Variants in CPLX1 observed in about 807,000 individuals in gnomAD.
The protein encoded by CPLX1 is complexin 1, also known as complexin-1.
Under a neutral mutation model 15.6 loss-of-function variants are expected in CPLX1, and 6 were observed. That is an observed-to-expected ratio of 0.39 (90% CI 0.21 to 0.76). The LOEUF (loss-of-function observed/expected upper bound fraction) is 0.76, where lower values mean the gene tolerates loss of function less well. Among genes scored for constraint, CPLX1 ranks in the 30% least tolerant of loss-of-function variants. The pLI, the probability that CPLX1 is intolerant of heterozygous loss-of-function variation, is 0.43. For missense variants in CPLX1, 242 were observed against 188.6 expected, an observed-to-expected ratio of 1.28 and a Z score of -1.66; for synonymous variants, 91 against 75.2, an observed-to-expected ratio of 1.21 and a Z score of -1.08.
rs911381371 is a variant in CPLX1, at chr4:786,312, G to A, written c.*189C>T. 4.2e-6 allele frequency: 2 copies of A among 480,894 alleles called. No homozygotes were observed. Among genetic ancestry groups the A allele is most frequent in the Non-Finnish European group, 3.6e-6 (1 of 280,514 alleles). The allele number at this position is 480,894 out of a possible 1,614,324, so 29.8% of individuals were successfully genotyped here. On this transcript the variant is annotated 3_prime_UTR_variant, in exon 4 of 4. Transcript: ENST00000304062. ...ACCCGCGGGCAGAGGAGCACGGGGC[G>A]GACTGGGGGGGTCCTGGGGGCGCGC... is the stretch of plus-strand genomic sequence containing the variant.
chr4:786,906 A>T, intron 3 of CPLX1: 1 of 981,294 alleles, frequency 1.0e-6, no homozygotes. Flanking sequence ...AATGGGGGCC[A>T]GGAGCTGACA....
At chr4:822,402 C>CG (rs1560248252) in intron 2 of CPLX1, among the ~76,000 whole-genome samples, 1 of 151,036 alleles carries the variant, frequency 6.6e-6, no homozygotes, top group East Asian at 2.0e-4. Context: ...TCTCTGTCTC[C>CG]GTCTCTCCCT....
At chr4:803,990 C>T (rs1560242316) in intron 2 of CPLX1, among the ~76,000 whole-genome samples, 1 of 152,228 alleles carries the variant, frequency 6.6e-6, no homozygotes, top group Non-Finnish European at 1.5e-5. Flanking sequence ...CTTTTCTATG[C>T]TTAGGTGCAC....
chr4:789,877 G>T (rs1284157519), intron 3 of CPLX1, among the ~76,000 whole-genome samples: 1 of 152,140 alleles, frequency 6.6e-6, no homozygotes, highest in Non-Finnish European at 1.5e-5. Flanking sequence ...GGAGGCAGCA[G>T]GTGTTCTGAT....
intron 2 of CPLX1, among the ~76,000 whole-genome samples, chr4:815,143 G>A (rs928629587): frequency 3.9e-5 from 6 of 152,222 alleles, no homozygotes; most frequent in African/African-American, 1.4e-4. Context: ...AGGCGTGGTG[G>A]CTCACGCCTG....
chr4:824,529 T>A lies in CPLX1; in HGVS notation c.-7A>T. On this transcript the variant is annotated 5_prime_UTR_variant, in exon 2 of 4. Transcript: ENST00000304062. ...GCTTCATCACAAACTCCATGGCGAT[T>A]GCTCTGCTTCCACAGTGGCTCCTCC... The A allele has an allele frequency of 6.2e-7, 1 of 1,612,886 alleles. No individual in the cohort carries two copies. The highest frequency in any genetic ancestry group is 1.7e-5 in the Admixed American group (1 of 60,028).
At chr4:825,448 G>A (rs895838834) in intron 1 of CPLX1, among the ~76,000 whole-genome samples, 1 of 151,844 alleles carries the variant, frequency 6.6e-6, no homozygotes, top group Non-Finnish European at 1.5e-5. Flanking sequence ...CCGCAGCGCC[G>A]ATTCTCCTCC....
chr4:788,633 C>G, intron 3 of CPLX1: 1 of 978,634 alleles, frequency 1.0e-6, no homozygotes, highest in Non-Finnish European at 1.2e-6. Context: ...GGTTCTCGTC[C>G]TAGCCATCCA....
At chr4:799,160 G>C (rs1432067495) in intron 2 of CPLX1, among the ~76,000 whole-genome samples, 1 of 152,210 alleles carries the variant, frequency 6.6e-6, no homozygotes, top group Non-Finnish European at 1.5e-5. Context: ...CTGACTTCCT[G>C]TTGGTGAGTC....
chr4:816,965 A>C (rs1746768489), intron 2 of CPLX1, among the ~76,000 whole-genome samples: 1 of 152,232 alleles, frequency 6.6e-6, no homozygotes, highest in Admixed American at 6.5e-5. Flanking sequence ...GTTTTCAAAG[A>C]GCACGCACAT....
chr4:795,012 T>C (rs1391580692), intron 2 of CPLX1, among the ~76,000 whole-genome samples: 1 of 152,192 alleles, frequency 6.6e-6, no homozygotes, highest in Non-Finnish European at 1.5e-5. Context: ...CGCCAAAGGC[T>C]TCTGGAAGGC....
At chr4:808,468 AACAC>A (rs1045963682) in intron 2 of CPLX1, among the ~76,000 whole-genome samples, 1 of 152,180 alleles carries the variant, frequency 6.6e-6, no homozygotes, top group African/African-American at 2.4e-5. Context: ...CACAGCAAAA[AACAC>A]CTCACTCCAA....
intron 2 of CPLX1, among the ~76,000 whole-genome samples, chr4:794,920 C>T (rs930834086): frequency 6.6e-6 from 1 of 152,210 alleles, no homozygotes; most frequent in African/African-American, 2.4e-5. Flanking sequence ...AGGTGTGCTG[C>T]GCTCTGCTCC....
chr4:791,754 T>C (rs1389254081), intron 3 of CPLX1, among the ~76,000 whole-genome samples: 2 of 152,130 alleles, frequency 1.3e-5, no homozygotes, highest in Non-Finnish European at 2.9e-5. Flanking sequence ...GGGTGAGCAC[T>C]GCGCCCCAGG....
intron 2 of CPLX1, among the ~76,000 whole-genome samples, chr4:813,968 G>A (rs1261013912): frequency 1.3e-5 from 2 of 152,214 alleles, no homozygotes; most frequent in Non-Finnish European, 2.9e-5. Flanking sequence ...CTAAATGGAC[G>A]GAAAAGGAGC....
At chr4:825,517 C>A (rs1746962024) in intron 1 of CPLX1, among the ~76,000 whole-genome samples, 2 of 151,924 alleles carry the variant, frequency 1.3e-5, no homozygotes, top group African/African-American at 4.8e-5. Flanking sequence ...GCCCCGCAGA[C>A]CCGCAGGGCT....
At position 800,564 on chromosome 4, in the gene CPLX1, ATGTG is replaced by A. The variant is rs35182041; in HGVS notation, c.32-7960_32-7957del. Among the ~76,000 whole-genome samples the A allele has an allele frequency of 1.6e-3, 226 of 142,964 alleles. 1 individual carries two copies. The highest frequency in any genetic ancestry group is 4.9e-3 in the African/African-American group (188 of 38,460). 93.8% of individuals were successfully genotyped at this position (142,964 alleles called of 152,430 possible). A position where few individuals can be genotyped will look rare whatever the true frequency, so the allele number is the denominator to read the frequency against. ...CACACATGTATGTATATATAAATAT[ATGTG>A]TGTGTGTGTGTATATATATGTATAT... On this transcript the variant is annotated intron_variant, in intron 2 of 3. Transcript: ENST00000304062.
At chr4:788,522 A>G (rs940704617) in intron 3 of CPLX1, 3 of 985,342 alleles carry the variant, frequency 3.0e-6, no homozygotes, top group African/African-American at 1.7e-5. Flanking sequence ...TGAAACGAAG[A>G]GCACAGGGTA....
intron 2 of CPLX1, among the ~76,000 whole-genome samples, chr4:815,410 CAAA>C (rs71166897): frequency 8.6e-5 from 8 of 93,350 alleles, no homozygotes; most frequent in African/African-American, 1.7e-4. Flanking sequence ...GACTCCGTCT[CAAA>C]AAAAAAAAAA....
Sources: allele counts gnomAD v4.1 joint callset (sites outside exome capture counted in the v4.1 genomes callset), GRCh38; gene constraint gnomAD v4.1.1; transcripts MANE v1.5; gene names NCBI Gene and HGNC (gene_info 2026-07-23, HGNC 2026-07-21).